Variants in CSNK1G1 observed in about 807,000 individuals in gnomAD.
CSNK1G1 encodes casein kinase 1 gamma 1.
Under a neutral mutation model 59.6 loss-of-function variants are expected in CSNK1G1, and 22 were observed. The ratio of observed to expected loss-of-function variants is 0.37; its 90% CI spans 0.26 to 0.53. The LOEUF is 0.53. Among genes scored for constraint, CSNK1G1 ranks in the 20% least tolerant of loss-of-function variants. The pLI is 0.89. For synonymous variants in CSNK1G1, 179 were observed against 177.1 expected, an observed-to-expected ratio of 1.01 and a Z score of -0.08; for missense variants, 384 against 519.5, an observed-to-expected ratio of 0.74 and a Z score of 2.54.
chr15:64,321,814 T>G (rs1896580160), intron 1 of CSNK1G1, among the ~76,000 whole-genome samples: 1 of 152,158 alleles, frequency 6.6e-6, no homozygotes, highest in Non-Finnish European at 1.5e-5. Flanking sequence ...AGTAAGACTT[T>G]CCTCCACCTA....
chr15:64,276,840 G>C (rs1371918240), intron 2 of CSNK1G1, among the ~76,000 whole-genome samples: 3 of 151,472 alleles, frequency 2.0e-5, no homozygotes, highest in African/African-American at 4.9e-5. Flanking sequence ...CCAGCTACTT[G>C]AGAGGCTGAG....
intron 2 of CSNK1G1, among the ~76,000 whole-genome samples, chr15:64,291,526 T>C (rs1173432250): frequency 6.6e-6 from 1 of 152,158 alleles, no homozygotes; most frequent in Admixed American, 6.6e-5. Flanking sequence ...AGGTGGAGGT[T>C]GCGGTGAGCT....
chr15:64,184,838 C>T (rs1315075398), intron 10 of CSNK1G1, among the ~76,000 whole-genome samples: 6 of 152,172 alleles, frequency 3.9e-5, no homozygotes, highest in Admixed American at 6.6e-5. Context: ...ACTGTTTTGA[C>T]GTTCAGACCT....
Position 64,286,234 on chromosome 15 carries a change from G to C in CSNK1G1, c.181+14085C>G, listed in dbSNP as rs114528563. ...TTTCTGCCATTTGCCAATTCCAGCA[G>C]AGATATCACTCTTTCTAAGCTACAT... On this transcript the variant is annotated intron_variant, in intron 2 of 11. Coordinates refer to ENST00000303052, the MANE Select transcript of CSNK1G1 (RefSeq NM_022048.5). 1.6e-3 allele frequency among the ~76,000 whole-genome samples: 246 copies of C among 151,824 alleles called. 2 individuals carry two copies. Among genetic ancestry groups the C allele is most frequent in the African/African-American group, 5.7e-3 (237 of 41,230 alleles).
chr15:64,279,033 C>T (rs1893973096), intron 2 of CSNK1G1, among the ~76,000 whole-genome samples: 1 of 152,194 alleles, frequency 6.6e-6, no homozygotes, highest in South Asian at 2.1e-4. Flanking sequence ...AGATCACTGA[C>T]ATACACTGTT....
intron 11 of CSNK1G1, 53 bp from the exon 12 acceptor site, chr15:64,172,038 A>G: frequency 6.5e-7 from 1 of 1,536,948 alleles, no homozygotes; most frequent in Admixed American, 1.7e-5. Context: ...AGCTTCCAGC[A>G]GACTTCTGCC....
At chr15:64,270,575 C>T (rs377520327) in intron 2 of CSNK1G1, among the ~76,000 whole-genome samples, 5 of 152,074 alleles carry the variant, frequency 3.3e-5, no homozygotes, top group African/African-American at 1.2e-4. Context: ...CTGGCCAACA[C>T]AGTGAAACCC....
At chr15:64,208,331 CA>C (rs925287375) in intron 6 of CSNK1G1, among the ~76,000 whole-genome samples, 10 of 152,062 alleles carry the variant, frequency 6.6e-5, no homozygotes, top group Non-Finnish European at 1.5e-4. Context: ...GACCTCATCC[CA>C]AAACAAAATA....
chr15:64,225,925 C>T (rs1237770779), intron 4 of CSNK1G1, among the ~76,000 whole-genome samples: 1 of 152,192 alleles, frequency 6.6e-6, no homozygotes, highest in Non-Finnish European at 1.5e-5. Context: ...CTGCTCCCGG[C>T]TTACCATATT....
At chr15:64,207,819 A>G (rs1596095326) in intron 6 of CSNK1G1, among the ~76,000 whole-genome samples, 1 of 152,216 alleles carries the variant, frequency 6.6e-6, no homozygotes, top group African/African-American at 2.4e-5. Context: ...AGAAAAGAGC[A>G]AATTCTGAAT....
At chr15:64,280,533 T>A (rs944383472) in intron 2 of CSNK1G1, among the ~76,000 whole-genome samples, 1 of 152,076 alleles carries the variant, frequency 6.6e-6, no homozygotes, top group Non-Finnish European at 1.5e-5. Context: ...GCTAATTTTT[T>A]GTATTTTTAG....
rs760635420 is a variant in CSNK1G1, at chr15:64,259,256, G to A, written c.182-15C>T. ...GAGATTTTTACCTAAGAGGAAAGCAGAATGTATATGTTTTAGTGACATTTA... is the reference window on the plus strand; with the variant it reads ...GAGATTTTTACCTAAGAGGAAAGCAAAATGTATATGTTTTAGTGACATTTA... On this transcript the variant is annotated splice_polypyrimidine_tract_variant and intron_variant, in intron 2 of 11. Coordinates refer to ENST00000303052, the MANE Select transcript of CSNK1G1 (RefSeq NM_022048.5). 4 of 1,574,874 alleles carry A rather than the reference G, an allele frequency of 2.5e-6. No individual in the cohort carries two copies. The highest frequency in any genetic ancestry group is 4.5e-5 in the East Asian group (2 of 44,142).
At chr15:64,255,100 G>A (rs1892299808) in intron 3 of CSNK1G1, among the ~76,000 whole-genome samples, 1 of 151,860 alleles carries the variant, frequency 6.6e-6, no homozygotes, top group Non-Finnish European at 1.5e-5. Flanking sequence ...CTTTTGAGAT[G>A]GAATCTTACT....
At chr15:64,355,299 A>T (rs1343764613) in intron 1 of CSNK1G1, among the ~76,000 whole-genome samples, 1 of 152,188 alleles carries the variant, frequency 6.6e-6, no homozygotes. Flanking sequence ...ACTTGGTTGA[A>T]TATGTCATTC....
intron 4 of CSNK1G1, among the ~76,000 whole-genome samples, chr15:64,251,050 T>C (rs567473456): frequency 2.2e-4 from 33 of 152,360 alleles, no homozygotes; most frequent in African/African-American, 7.5e-4. Flanking sequence ...TACAATCATA[T>C]GGATAGCTCT....
In CSNK1G1 at chr15:64,335,184, A is replaced by G. The variant is rs140912478; in HGVS notation, c.-225+20804T>C. 2.6e-5 allele frequency among the ~76,000 whole-genome samples: 4 copies of G among 152,326 alleles called. No homozygotes were observed. The East Asian group carries it at 7.7e-4, about 29-fold the overall frequency. ...GGAAAAACATATTTCAATACCTGATAAAGAGTTTTGTCTACCTCACTAAAA... is the reference window on the plus strand; with the variant it reads ...GGAAAAACATATTTCAATACCTGATGAAGAGTTTTGTCTACCTCACTAAAA... On this transcript the variant is annotated intron_variant, in intron 1 of 11. Coordinates refer to ENST00000303052, the MANE Select transcript of CSNK1G1 (RefSeq NM_022048.5).
At chr15:64,220,470 A>G (rs1161204101) in intron 4 of CSNK1G1, among the ~76,000 whole-genome samples, 3 of 151,516 alleles carry the variant, frequency 2.0e-5, no homozygotes, top group Non-Finnish European at 2.9e-5. Context: ...GGAAAGACCA[A>G]TGAGATGGAA....
chr15:64,268,044 T>C (rs1893077898), intron 2 of CSNK1G1, among the ~76,000 whole-genome samples: 1 of 152,132 alleles, frequency 6.6e-6, no homozygotes, highest in Non-Finnish European at 1.5e-5. Context: ...TGCACTCCCA[T>C]GTTTACTGCA....
At chr15:64,302,672 AT>A (rs1157544770) in intron 1 of CSNK1G1, among the ~76,000 whole-genome samples, 2 of 152,188 alleles carry the variant, frequency 1.3e-5, no homozygotes, top group Non-Finnish European at 2.9e-5. Flanking sequence ...AGAGAAAAAA[AT>A]ATCATAATTG....
Sources: gnomAD v4.1 joint callset for allele counts (sites outside exome capture counted in the v4.1 genomes callset) on GRCh38, gnomAD v4.1.1 for gene constraint, MANE v1.5 for transcripts, NCBI Gene and HGNC (gene_info 2026-07-23, HGNC 2026-07-21) for gene names.